The following UBE2W variants were observed in gnomAD, a reference collection of about 807,000 sequenced individuals.
UBE2W encodes ubiquitin conjugating enzyme E2 W.
UBE2W carries 18 observed loss-of-function variants against 27.2 expected under a neutral mutation model. The observed-to-expected ratio is 0.66, with a 90% CI of 0.46 to 0.98. The LOEUF is 0.98. UBE2W is among the 50% of genes least tolerant of loss of function. The pLI, the probability that UBE2W is intolerant of heterozygous loss-of-function variation, is 0.00. For missense variants in UBE2W, 90 were observed against 180.2 expected, an observed-to-expected ratio of 0.50 and a Z score of 2.87; for synonymous variants, 53 against 57.2, an observed-to-expected ratio of 0.93 and a Z score of 0.33.
chr8:73,858,033 T>C (rs1040137480), intron 1 of UBE2W, among the ~76,000 whole-genome samples: 1 of 151,866 alleles, frequency 6.6e-6, no homozygotes, highest in African/African-American at 2.4e-5. Context: ...GAGACTAGCA[T>C]GGCCAACATA....
At chr8:73,804,747 T>C (rs1337705087) in intron 5 of UBE2W, among the ~76,000 whole-genome samples, 3 of 151,688 alleles carry the variant, frequency 2.0e-5, no homozygotes, top group African/African-American at 7.3e-5. Context: ...CCTTTGGAGA[T>C]AGAGTCTCAT....
At chr8:73,782,107 A>AT (rs61555781), downstream of UBE2W, among the ~76,000 whole-genome samples, 2,814 of 145,122 alleles carry the variant, frequency 0.019, 48 homozygotes, top group Middle Eastern at 0.057. Context: ...GGCCCGGCTA[A>AT]TTTTTTTTTT....
In UBE2W at chr8:73,786,971, T is replaced by C. The variant is rs1422945657; in HGVS notation, c.*7131A>G. 1 of 985,354 alleles carries C rather than the reference T, an allele frequency of 1.0e-6. No individual in the cohort carries two copies. The highest frequency in any genetic ancestry group is 1.2e-6 in the Non-Finnish European group (1 of 829,938). 61.0% of individuals were successfully genotyped at this position (985,354 alleles called of 1,614,324 possible). ...GGATACAGCCATCTATATTAGGATC[T>C]TGTCTAATGACATATATTCACCCAC... is the stretch of plus-strand genomic sequence containing the variant. On this transcript the variant is annotated 3_prime_UTR_variant, in exon 6 of 6. Transcript: ENST00000602593.
intron 1 of UBE2W, among the ~76,000 whole-genome samples, chr8:73,859,131 A>G (rs1811437988): frequency 6.6e-6 from 1 of 151,878 alleles, no homozygotes; most frequent in Admixed American, 6.6e-5. Context: ...TTATACATGG[A>G]TTTTCTTCTG....
At chr8:73,864,164 C>A (rs1811646759) in intron 1 of UBE2W, among the ~76,000 whole-genome samples, 1 of 152,154 alleles carries the variant, frequency 6.6e-6, no homozygotes, top group Non-Finnish European at 1.5e-5. Context: ...GAGGCTGAGA[C>A]AGGCAGATTG....
intron 5 of UBE2W, among the ~76,000 whole-genome samples, chr8:73,804,585 A>C (rs984224469): frequency 6.6e-6 from 1 of 152,002 alleles, no homozygotes; most frequent in African/African-American, 2.4e-5. Flanking sequence ...AATGATTAGA[A>C]TAGAGAGCTT....
In UBE2W at chr8:73,791,030, T is replaced by C. The variant is rs376607133; in HGVS notation, c.*3072A>G. The C allele has an allele frequency of 1.0e-6, 1 of 983,802 alleles. No individual in the cohort carries two copies. Among genetic ancestry groups the C allele is most frequent in the African/African-American group, 1.7e-5 (1 of 57,204 alleles). 60.9% of individuals were successfully genotyped at this position (983,802 alleles called of 1,614,324 possible). On this transcript the variant is annotated 3_prime_UTR_variant, in exon 6 of 6. Coordinates refer to ENST00000602593, the MANE Select transcript of UBE2W (RefSeq NM_018299.6). ...GTCAAAACAACAAGGAATTAAGATC[T>C]TTCTCCAGGTGAACTGCTGACTATA...
chr8:73,830,118 A>G (rs1400087714), intron 2 of UBE2W, among the ~76,000 whole-genome samples: 1 of 151,936 alleles, frequency 6.6e-6, no homozygotes, highest in East Asian at 2.0e-4. Context: ...AAACAAAGTC[A>G]GTGCTACTCA....
intron 1 of UBE2W, among the ~76,000 whole-genome samples, chr8:73,841,454 A>T (rs560372888): frequency 6.6e-6 from 1 of 152,310 alleles, no homozygotes; most frequent in East Asian, 1.9e-4. Flanking sequence ...TAAACTTTTT[A>T]AAATTCTGAC....
chr8:73,875,257 T>A (rs1186327733), intron 1 of UBE2W, among the ~76,000 whole-genome samples: 1 of 152,140 alleles, frequency 6.6e-6, no homozygotes, highest in Non-Finnish European at 1.5e-5. Context: ...CATTTACAGG[T>A]GTGCCAGAAT....
At chr8:73,836,399 A>T (rs1810309839) in intron 1 of UBE2W, among the ~76,000 whole-genome samples, 1 of 152,270 alleles carries the variant, frequency 6.6e-6, no homozygotes, top group African/African-American at 2.4e-5. Context: ...TTAAAAAGAT[A>T]CAAACAGTGA....
chr8:73,790,982 T>TATTATAG lies in UBE2W; in HGVS notation c.*3119_*3120insCTATAAT, dbSNP rs1349653603. On this transcript the variant is annotated 3_prime_UTR_variant, in exon 6 of 6. Transcript: ENST00000602593. ...AGGTAATAAACTATTCTAGTTATTT[T>TATTATAG]ATACCAAATATTGATATTCCTAGTC... The TATTATAG allele has an allele frequency of 1.0e-6, 1 of 981,588 alleles. No homozygotes were observed. The highest frequency in any genetic ancestry group is 6.1e-5 in the Admixed American group (1 of 16,264). 60.8% of individuals were successfully genotyped at this position (981,588 alleles called of 1,614,324 possible). A position where few individuals can be genotyped will look rare whatever the true frequency, so the allele number is the denominator to read the frequency against.
At chr8:73,830,129 G>A (rs1810011951) in intron 2 of UBE2W, among the ~76,000 whole-genome samples, 1 of 150,754 alleles carries the variant, frequency 6.6e-6, no homozygotes, top group Non-Finnish European at 1.5e-5. Context: ...GTGCTACTCA[G>A]TTAAACAAAA....
intron 4 of UBE2W, among the ~76,000 whole-genome samples, chr8:73,809,199 A>C (rs917520220): frequency 3.9e-5 from 6 of 152,316 alleles, no homozygotes; most frequent in African/African-American, 1.4e-4. Context: ...AAAACAAAAC[A>C]AAACCAATTT....
downstream of UBE2W, among the ~76,000 whole-genome samples, chr8:73,784,251 C>T (rs1807896152): frequency 6.6e-6 from 1 of 152,312 alleles, no homozygotes; most frequent in South Asian, 2.1e-4. Flanking sequence ...CCTTGATGCT[C>T]ACCCAGCACT....
intron 1 of UBE2W, among the ~76,000 whole-genome samples, chr8:73,854,052 G>A (rs1296499968): frequency 6.6e-6 from 1 of 152,110 alleles, no homozygotes; most frequent in African/African-American, 2.4e-5. Context: ...AGGAGGCTGA[G>A]GAGGGAGGAT....
At position 73,792,068 on chromosome 8, in the gene UBE2W, G is replaced by A. The variant is rs1808226973; in HGVS notation, c.*2034C>T. The A allele has an allele frequency of 1.0e-6, 1 of 985,126 alleles. No individual in the cohort carries two copies. The allele number at this position is 985,126 out of a possible 1,614,324, so 61.0% of individuals were successfully genotyped here. A position where few individuals can be genotyped will look rare whatever the true frequency, so the allele number is the denominator to read the frequency against. On this transcript the variant is annotated 3_prime_UTR_variant, in exon 6 of 6. Transcript: ENST00000602593. ...GAGACAGATTTCTCCCTAACCCCCA[G>A]AAGAAGATCAAGTCAAACAGTAGTG...
chr8:73,796,575 T>A, intron 5 of UBE2W: 1 of 878,096 alleles, frequency 1.1e-6, no homozygotes, highest in Non-Finnish European at 1.4e-6. Context: ...CAGATCCCAA[T>A]CCCTGTTTCT....
intron 5 of UBE2W, among the ~76,000 whole-genome samples, chr8:73,803,932 A>G (rs1199778467): frequency 2.6e-5 from 4 of 151,536 alleles, no homozygotes; most frequent in African/African-American, 9.7e-5. Context: ...ACGCCCGGCT[A>G]ATTTTTTGTA....
Sources: allele counts gnomAD v4.1 joint callset (sites outside exome capture counted in the v4.1 genomes callset), GRCh38; gene constraint gnomAD v4.1.1; transcripts MANE v1.5; gene names NCBI Gene and HGNC (gene_info 2026-07-23, HGNC 2026-07-21).